The following A4GNT variants were observed in gnomAD, a reference collection of about 807,000 sequenced individuals.
A4GNT encodes alpha-1,4-N-acetylglucosaminyltransferase.
A4GNT carries 6 observed loss-of-function variants against 8.3 expected under a neutral mutation model. The ratio of observed to expected loss-of-function variants is 0.72; its 90% CI spans 0.39 to 1.42. The LOEUF (loss-of-function observed/expected upper bound fraction) is 1.42, where lower values mean the gene tolerates loss of function less well. Ranked by LOEUF, A4GNT falls within the 40% of genes most tolerant of loss-of-function variation. The pLI is 0.02. For missense variants in A4GNT, 377 were observed against 417.0 expected (o/e 0.90, Z 0.84); for synonymous variants, 157 against 159.8 (o/e 0.98, Z 0.13).
chr3:138,127,507 G>T (rs924992308), intron 2 of A4GNT, among the ~76,000 whole-genome samples: 8 of 151,646 alleles, frequency 5.3e-5, no homozygotes, highest in African/African-American at 1.9e-4. Context: ...CCGGGAAGCG[G>T]AGGTTGTAGT....
chr3:138,123,937 G>A lies in A4GNT; in HGVS notation c.*327C>T. The A allele has an allele frequency of 4.0e-6, 1 of 249,272 alleles. No homozygotes were observed. The highest frequency in any genetic ancestry group is 7.8e-6 in the Non-Finnish European group (1 of 128,820). 15.4% of individuals were successfully genotyped at this position (249,272 alleles called of 1,614,324 possible). A position where few individuals can be genotyped will look rare whatever the true frequency, so the allele number is the denominator to read the frequency against. ...CTCTTGCAGCTACATCTCAGTCAGT[G>A]CAATGTAAGAGAAAGTGTTATACGG... On this transcript the variant is annotated 3_prime_UTR_variant, in exon 3 of 3. Coordinates refer to ENST00000236709, the MANE Select transcript of A4GNT (RefSeq NM_016161.3).
rs780846256 is a variant in A4GNT at position 138,124,283 on chromosome 3, A to C, written c.1004T>G (p.Leu335Arg). 1.9e-6 allele frequency: 3 copies of C among 1,613,780 alleles called. No homozygotes were observed. In the South Asian group the frequency reaches 3.3e-5, roughly 18 times the overall value. The change falls in exon 3 of 3, where the codon CTG becomes CGG. Residue 335 changes from leucine (L) to arginine (R), a missense_variant. Leu to Arg is a moderately radical substitution (Grantham distance 102). Transcript: ENST00000236709. The part of the protein sequence containing the change: ...KGPEGSVTGE[L>R]GPGNK ...TTAGCTTTATTTGTTACCTGGACCCAGCTCCCCAGTCACTGACCCCTCTGG... is the reference window on the plus strand; with the variant it reads ...TTAGCTTTATTTGTTACCTGGACCCCGCTCCCCAGTCACTGACCCCTCTGG...
chr3:138,125,828 C>T (rs1251414433), intron 2 of A4GNT, among the ~76,000 whole-genome samples: 1 of 152,128 alleles, frequency 6.6e-6, no homozygotes, highest in Non-Finnish European at 1.5e-5. Flanking sequence ...AATACAAGGG[C>T]CCTGAGGCAA....
Position 138,131,121 on chromosome 3 carries a change from G to A in A4GNT, c.136C>T (p.Leu46=). Residue 46 remains leucine, a synonymous_variant, in exon 2 of 3, where the codon CTG becomes TTG. Coordinates refer to ENST00000236709, the MANE Select transcript of A4GNT (RefSeq NM_016161.3). The stretch of plus-strand genomic sequence containing the variant: ...AACACAATGCCACGTCTGTGGCTCA[G>A]GAGGGCTTCCAGCCCCTGGTGGGAC... ...FKSHQGLEAL[L]SHRRGIVFLE... is the part of the protein sequence containing the mutation. 1 of 1,613,692 alleles carries A rather than the reference G, an allele frequency of 6.2e-7. No homozygotes were observed. Among genetic ancestry groups the A allele is most frequent in the Non-Finnish European group, 8.5e-7 (1 of 1,179,742 alleles).
chr3:138,132,896 C>T (rs973737120), upstream of A4GNT, among the ~76,000 whole-genome samples: 1 of 152,198 alleles, frequency 6.6e-6, no homozygotes, highest in Admixed American at 6.5e-5. Flanking sequence ...CAGGAAGGCT[C>T]CTTTTTCCCC....
upstream of A4GNT, among the ~76,000 whole-genome samples, chr3:138,132,995 C>T (rs1396692695): frequency 2.6e-5 from 4 of 152,164 alleles, no homozygotes; most frequent in Non-Finnish European, 4.4e-5. Flanking sequence ...CCCACATTTC[C>T]CAAGGTGTTA....
chr3:138,123,844 C>A lies in A4GNT; in HGVS notation c.*420G>T. On this transcript the variant is annotated 3_prime_UTR_variant, in exon 3 of 3. Coordinates refer to ENST00000236709, the MANE Select transcript of A4GNT (RefSeq NM_016161.3). ...ATTAATCTTACTGTATTAAATAGAA[C>A]ATGTAGCAAAACTGTTAGCTGCCTA... 6.0e-6 allele frequency: 1 copy of A among 167,268 alleles called. No homozygotes were observed. Among genetic ancestry groups the A allele is most frequent in the Non-Finnish European group, 1.3e-5 (1 of 77,558 alleles). The allele number at this position is 167,268 out of a possible 1,614,324, so 10.4% of individuals were successfully genotyped here.
Position 138,124,045 on chromosome 3 carries a change from G to T in A4GNT, c.*219C>A. 1 of 548,314 alleles carries T rather than the reference G, an allele frequency of 1.8e-6. No individual in the cohort carries two copies. Among genetic ancestry groups the T allele is most frequent in the Non-Finnish European group, 3.1e-6 (1 of 323,486 alleles). 34.0% of individuals were successfully genotyped at this position (548,314 alleles called of 1,614,324 possible). A position where few individuals can be genotyped will look rare whatever the true frequency, so the allele number is the denominator to read the frequency against. ...CTACTGCCTGAAATGCAAACATGGT[G>T]GGTTGGAGGTCAAGCAGTCAAATGG... On this transcript the variant is annotated 3_prime_UTR_variant, in exon 3 of 3. Transcript: ENST00000236709.
Position 138,124,637 on chromosome 3 carries a change from G to A in A4GNT, c.650C>T (p.Ser217Leu). ...AGGGCCTTGGTTGCCCCAAATGGCTGAATTATAGTGTTCAACAAAGTTTTC... is the reference window on the plus strand; with the variant it reads ...AGGGCCTTGGTTGCCCCAAATGGCTAAATTATAGTGTTCAACAAAGTTTTC... ...CMENFVEHYN[S>L]AIWGNQGPEL... The change falls in exon 3 of 3, where the codon TCA becomes TTA. Residue 217 changes from serine (S) to leucine (L), a missense_variant. Transcript: ENST00000236709. The A allele has an allele frequency of 6.2e-7, 1 of 1,614,186 alleles. No individual in the cohort carries two copies. Among genetic ancestry groups the A allele is most frequent in the South Asian group, 1.1e-5 (1 of 91,074 alleles).
chr3:138,131,117 C>G lies in A4GNT; in HGVS notation c.140G>C (p.Ser47Thr), dbSNP rs1226066466. 6.2e-7 allele frequency: 1 copy of G among 1,613,656 alleles called. No homozygotes were observed. The highest frequency in any genetic ancestry group is 1.7e-5 in the Admixed American group (1 of 59,992). Residue 47 changes from serine (S) to threonine (T), a missense_variant, in exon 2 of 3, where the codon AGC becomes ACC. Transcript: ENST00000236709. ...KSHQGLEALL[S>T]HRRGIVFLET... The stretch of plus-strand genomic sequence containing the variant: ...TAGAAACACAATGCCACGTCTGTGG[C>G]TCAGGAGGGCTTCCAGCCCCTGGTG...
At chr3:138,131,367 T>C in intron 1 of A4GNT, 85 bp from the exon 2 acceptor site, 1 of 1,082,844 alleles carries the variant, frequency 9.2e-7, no homozygotes, top group Non-Finnish European at 1.2e-6. Flanking sequence ...TGAATATCAT[T>C]TAAAAACTTA....
At chr3:138,130,774 T>A in intron 2 of A4GNT, 75 bp downstream of exon 2, 1 of 1,521,432 alleles carries the variant, frequency 6.6e-7, no homozygotes, top group Non-Finnish European at 8.9e-7. Context: ...TATTCCCATC[T>A]CCGACCTGAG....
upstream of A4GNT, among the ~76,000 whole-genome samples, chr3:138,132,820 C>A (rs1466478952): frequency 1.3e-5 from 2 of 152,158 alleles, no homozygotes; most frequent in African/African-American, 4.8e-5. Flanking sequence ...TGAACAAAGC[C>A]CTGCAGTCCA....
intron 2 of A4GNT, among the ~76,000 whole-genome samples, chr3:138,128,454 G>A (rs566574834): frequency 7.3e-4 from 110 of 151,718 alleles, no homozygotes; most frequent in Non-Finnish European, 1.4e-3. Context: ...GCGAGAGCAG[G>A]AGCAAGAGAG....
At chr3:138,125,802 G>T (rs1259883076) in intron 2 of A4GNT, among the ~76,000 whole-genome samples, 1 of 148,204 alleles carries the variant, frequency 6.7e-6, no homozygotes, top group East Asian at 1.9e-4. Context: ...CTGAAGCTCA[G>T]GTCTGTATCC....
In A4GNT at chr3:138,124,626, C is replaced by T; in HGVS notation, c.661G>A (p.Gly221Ser). 2 of 1,614,182 alleles carry T rather than the reference C, an allele frequency of 1.2e-6. No homozygotes were observed. Among genetic ancestry groups the T allele is most frequent in the Non-Finnish European group, 1.7e-6 (2 of 1,180,030 alleles). The change falls in exon 3 of 3, where the codon GGC (glycine) becomes AGC (serine). Residue 221 changes from glycine (G) to serine (S), a missense_variant. Physicochemically the swap from Gly to Ser is moderately conservative, Grantham distance 56. Transcript: ENST00000236709. Reference sequence around the variant, plus strand: ...GTCATCAACTCAGGGCCTTGGTTGCCCCAAATGGCTGAATTATAGTGTTCA... The same window carrying T: ...GTCATCAACTCAGGGCCTTGGTTGCTCCAAATGGCTGAATTATAGTGTTCA... ...FVEHYNSAIW[G>S]NQGPELMTRM...
At chr3:138,127,472 G>T (rs1221260228) in intron 2 of A4GNT, among the ~76,000 whole-genome samples, 1 of 151,864 alleles carries the variant, frequency 6.6e-6, no homozygotes, top group Non-Finnish European at 1.5e-5. Flanking sequence ...TACTTGGGAG[G>T]CTGAGGCAGG....
chr3:138,123,736 A>G lies in A4GNT; in HGVS notation c.*528T>C, dbSNP rs970735474. ...GACCAGGCTCAGTTAATATTTATTG[A>G]CTGAATGCATTAATGAATGTCAAAA... On this transcript the variant is annotated 3_prime_UTR_variant, in exon 3 of 3. Coordinates refer to ENST00000236709, the MANE Select transcript of A4GNT (RefSeq NM_016161.3). 1 of 153,110 alleles carries G rather than the reference A, an allele frequency of 6.5e-6. No individual in the cohort carries two copies. The highest frequency in any genetic ancestry group is 2.4e-5 in the African/African-American group (1 of 41,448). 9.5% of individuals were successfully genotyped at this position (153,110 alleles called of 1,614,324 possible).
intron 2 of A4GNT, 90 bp downstream of exon 2, chr3:138,130,759 G>A (rs914202608): frequency 9.9e-6 from 14 of 1,412,114 alleles, no homozygotes; most frequent in Non-Finnish European, 1.3e-5. Context: ...CCCAAATGTG[G>A]GTTCTATTCC....
Sources: allele counts gnomAD v4.1 joint callset (sites outside exome capture counted in the v4.1 genomes callset), GRCh38; gene constraint gnomAD v4.1.1; transcripts MANE v1.5; gene names NCBI Gene and HGNC (gene_info 2026-07-23, HGNC 2026-07-21).